The following CHN2 variants were observed in gnomAD, a reference collection of about 807,000 sequenced individuals.
CHN2 encodes chimerin 2.
In CHN2, 35 loss-of-function variants were observed where a neutral mutation model predicts 56.3. The observed-to-expected ratio is 0.62, with a 90% CI of 0.47 to 0.82. CHN2 has a LOEUF of 0.82. CHN2 is among the 40% of genes least tolerant of loss of function. The pLI is 0.00. For synonymous variants in CHN2, 210 were observed against 212.8 expected (o/e 0.99, Z 0.12); for missense variants, 491 against 580.5 (o/e 0.85, Z 1.58).
At chr7:29,228,032 A>G (rs1045066505) in intron 1 of CHN2, among the ~76,000 whole-genome samples, 3 of 152,046 alleles carry the variant, frequency 2.0e-5, no homozygotes, top group African/African-American at 7.2e-5. Context: ...TCAGCCCTAT[A>G]TATTTTCTGA....
intron 1 of CHN2, among the ~76,000 whole-genome samples, chr7:29,282,540 A>G (rs1032096861): frequency 1.1e-4 from 16 of 152,238 alleles, no homozygotes; most frequent in African/African-American, 3.9e-4. Flanking sequence ...AATAATTGTT[A>G]TAAAATAAAT....
chr7:29,369,473 T>G (rs532112015), intron 3 of CHN2, among the ~76,000 whole-genome samples: 9 of 152,158 alleles, frequency 5.9e-5, no homozygotes, highest in Non-Finnish European at 1.2e-4. Flanking sequence ...GTGGGGAATA[T>G]AGCAAAGAAC....
intron 1 of CHN2, among the ~76,000 whole-genome samples, chr7:29,209,986 G>A (rs2128778501): frequency 6.6e-6 from 1 of 152,224 alleles, no homozygotes; most frequent in Non-Finnish European, 1.5e-5. Flanking sequence ...TTCTTTCTCA[G>A]CATTTACTTT....
At chr7:29,242,513 G>A (rs1787759973) in intron 1 of CHN2, among the ~76,000 whole-genome samples, 1 of 152,112 alleles carries the variant, frequency 6.6e-6, no homozygotes, top group Non-Finnish European at 1.5e-5. Flanking sequence ...TTTGCTTGCA[G>A]AATGGGCTTC....
intron 3 of CHN2, among the ~76,000 whole-genome samples, chr7:29,383,422 C>T (rs1361541983): frequency 2.6e-5 from 4 of 152,064 alleles, no homozygotes; most frequent in African/African-American, 4.8e-5. Context: ...CTTCCTCTGC[C>T]TCTTTGTTTT....
intron 1 of CHN2, among the ~76,000 whole-genome samples, chr7:29,267,701 C>T (rs1790264478): frequency 2.0e-5 from 3 of 151,966 alleles, no homozygotes; most frequent in Admixed American, 2.0e-4. Flanking sequence ...TCAATGTGTC[C>T]CTGTTGTGGG....
At chr7:29,442,957 G>A (rs1490655977) in intron 6 of CHN2, among the ~76,000 whole-genome samples, 1 of 56,938 alleles carries the variant, frequency 1.8e-5, no homozygotes, top group Non-Finnish European at 3.2e-5. Context: ...TTTTTGAGAC[G>A]GAGTCTCGCT....
intron 2 of CHN2, among the ~76,000 whole-genome samples, chr7:29,147,712 CT>C (rs1183730544): frequency 2.0e-5 from 3 of 152,042 alleles, no homozygotes; most frequent in Non-Finnish European, 4.4e-5. Flanking sequence ...GAAAATAATT[CT>C]TTTAAGGCCA....
intron 5 of CHN2, among the ~76,000 whole-genome samples, chr7:29,399,974 C>T (rs1432993744): frequency 1.3e-5 from 2 of 152,126 alleles, no homozygotes; most frequent in Non-Finnish European, 2.9e-5. Flanking sequence ...ACAGCTCCAG[C>T]AGGGAGTTTA....
At chr7:29,146,957 A>G (rs746395081) in exon 2 of CHN2, 47 of 1,551,082 alleles carry the variant, frequency 3.0e-5, no homozygotes, top group Non-Finnish European at 4.0e-5. Flanking sequence ...CAGCTGCACT[A>G]GCAGTAAGCT....
In CHN2 at chr7:29,212,744, A is replaced by G. The variant is rs570892815; in HGVS notation, c.49+17754A>G. The G allele has an allele frequency of 6.5e-5, 105 of 1,610,060 alleles. No homozygotes were observed. The African/African-American group carries it at 1.2e-3, about 18-fold the overall frequency. On this transcript the variant is annotated intron_variant, in intron 1 of 12. Coordinates refer to ENST00000222792, the MANE Select transcript of CHN2 (RefSeq NM_004067.4). ...GACCTGGTTCTAGAACCAGAGAATG[A>G]AATCTAAGAGGTGGCAGAAAAACAA... is the stretch of plus-strand genomic sequence containing the variant.
chr7:29,209,039 A>G (rs1430666831), intron 1 of CHN2: 2 of 89,970 alleles, frequency 2.2e-5, no homozygotes, highest in African/African-American at 8.6e-5. Flanking sequence ...ACCCCCCAGC[A>G]AAGTTCCCCT....
chr7:29,245,616 C>T (rs1409532297), intron 1 of CHN2, among the ~76,000 whole-genome samples: 1 of 152,162 alleles, frequency 6.6e-6, no homozygotes, highest in Non-Finnish European at 1.5e-5. Flanking sequence ...CACTATTTTA[C>T]CAATAACAAA....
chr7:29,189,049 CA>C (rs1799066691), intron 2 of CHN2, among the ~76,000 whole-genome samples: 1 of 149,940 alleles, frequency 6.7e-6, no homozygotes. Context: ...CTCCTGGGTT[CA>C]AGCAATTCTC....
At chr7:29,316,302 A>C (rs983593402) in intron 1 of CHN2, among the ~76,000 whole-genome samples, 1 of 152,228 alleles carries the variant, frequency 6.6e-6, no homozygotes, top group Non-Finnish European at 1.5e-5. Context: ...AATGCATAAT[A>C]AAATCAGGTC....
At chr7:29,314,166 C>A (rs1330483715) in intron 1 of CHN2, among the ~76,000 whole-genome samples, 1 of 152,170 alleles carries the variant, frequency 6.6e-6, no homozygotes, top group Non-Finnish European at 1.5e-5. Context: ...GTCCACTGAA[C>A]AAACAAAATA....
At chr7:29,323,086 A>T (rs1029442697) in intron 1 of CHN2, among the ~76,000 whole-genome samples, 2 of 152,146 alleles carry the variant, frequency 1.3e-5, no homozygotes, top group African/African-American at 4.8e-5. Context: ...ACTGGGAGGC[A>T]GAGGTCGCAG....
intron 1 of CHN2, among the ~76,000 whole-genome samples, chr7:29,284,692 A>G (rs1487812612): frequency 6.6e-6 from 1 of 152,218 alleles, no homozygotes; most frequent in Admixed American, 6.5e-5. Context: ...AGCTGACTCC[A>G]TGATTTCAAC....
intron 3 of CHN2, among the ~76,000 whole-genome samples, chr7:29,381,590 C>A (rs17157843): frequency 6.6e-6 from 1 of 151,668 alleles, no homozygotes; most frequent in Non-Finnish European, 1.5e-5. Flanking sequence ...AAGGTGCTGC[C>A]AAGGTGTCCT....
Sources: allele counts gnomAD v4.1 joint callset (sites outside exome capture counted in the v4.1 genomes callset), GRCh38; gene constraint gnomAD v4.1.1; transcripts MANE v1.5; gene names NCBI Gene and HGNC (gene_info 2026-07-23, HGNC 2026-07-21).